GRID2: variants seen among roughly 807,000 people sequenced by gnomAD.
GRID2 encodes the protein glutamate receptor ionotropic, delta-2.
In GRID2, 33 loss-of-function variants were observed where a neutral mutation model predicts 114.8. The observed-to-expected ratio is 0.29, with a 90% CI of 0.22 to 0.38. The LOEUF is 0.38. GRID2 is among the 10% of genes least tolerant of loss of function. The pLI is 1.00. For synonymous variants in GRID2, 505 were observed against 449.9 expected, an observed-to-expected ratio of 1.12 and a Z score of -1.55; for missense variants, 1,184 against 1,257.7, an observed-to-expected ratio of 0.94 and a Z score of 0.89.
chr4:92,641,873 A>T (rs573273739), intron 2 of GRID2, among the ~76,000 whole-genome samples: 1 of 151,020 alleles, frequency 6.6e-6, no homozygotes, highest in African/African-American at 2.4e-5. Context: ...TATAAATGAG[A>T]ACATGCAGTA....
intron 14 of GRID2, among the ~76,000 whole-genome samples, chr4:93,656,730 T>C (rs1357511974): frequency 7.9e-6 from 1 of 126,752 alleles, no homozygotes. Flanking sequence ...CTCGGGAGGC[T>C]GAGGCAGGAG....
At chr4:92,701,185 G>T (rs1182231868) in intron 2 of GRID2, among the ~76,000 whole-genome samples, 2 of 152,066 alleles carry the variant, frequency 1.3e-5, no homozygotes, top group Non-Finnish European at 2.9e-5. Flanking sequence ...GTTGTTGTGA[G>T]AATTAAATGA....
intron 1 of GRID2, among the ~76,000 whole-genome samples, chr4:93,800,079 A>G (rs984286392): frequency 3.3e-5 from 5 of 152,228 alleles, no homozygotes; most frequent in Non-Finnish European, 5.9e-5. Context: ...GAGTTGGTCT[A>G]ATACCTAACC....
intron 2 of GRID2, among the ~76,000 whole-genome samples, chr4:92,850,925 C>T (rs186077266): frequency 5.3e-5 from 8 of 151,936 alleles, no homozygotes; most frequent in Admixed American, 2.6e-4. Context: ...ATTTTAGGCA[C>T]CAATAGGAAG....
chr4:92,701,859 C>T (rs1356410666), intron 2 of GRID2, among the ~76,000 whole-genome samples: 2 of 152,036 alleles, frequency 1.3e-5, no homozygotes, highest in East Asian at 1.9e-4. Context: ...AGGGCGACCT[C>T]GGGGCATAAT....
chr4:92,367,336 T>C (rs999037361), intron 1 of GRID2, among the ~76,000 whole-genome samples: 3 of 151,990 alleles, frequency 2.0e-5, no homozygotes, highest in African/African-American at 7.2e-5. Context: ...ATCAATAAAA[T>C]TGCAAAATTT....
intron 14 of GRID2, among the ~76,000 whole-genome samples, chr4:93,654,152 T>A (rs1722810792): frequency 6.6e-6 from 1 of 152,160 alleles, no homozygotes; most frequent in East Asian, 1.9e-4. Context: ...TCTCATCATA[T>A]TTCCCAACTA....
intron 14 of GRID2, among the ~76,000 whole-genome samples, chr4:93,756,497 T>C (rs772462552): frequency 4.6e-5 from 7 of 152,172 alleles, no homozygotes; most frequent in Non-Finnish European, 1.0e-4. Context: ...CTGAAGCCTC[T>C]TCTCTTGGCT....
At chr4:92,711,861 C>A (rs1735270736) in intron 2 of GRID2, among the ~76,000 whole-genome samples, 1 of 152,146 alleles carries the variant, frequency 6.6e-6, no homozygotes. Flanking sequence ...TATGATCCTG[C>A]CACTGCATTC....
intron 2 of GRID2, among the ~76,000 whole-genome samples, chr4:92,636,844 G>A (rs1278475480): frequency 6.6e-6 from 1 of 151,766 alleles, no homozygotes; most frequent in East Asian, 1.9e-4. Context: ...CACTTCTTTT[G>A]CAATCTGCTT....
chr4:92,827,311 G>T (rs555295243), intron 2 of GRID2, among the ~76,000 whole-genome samples: 1 of 151,062 alleles, frequency 6.6e-6, no homozygotes, highest in Admixed American at 6.6e-5. Context: ...TTAATTTTGG[G>T]TGCAATAAAC....
chr4:92,714,880 G>T (rs915593533), intron 2 of GRID2, among the ~76,000 whole-genome samples: 3 of 152,186 alleles, frequency 2.0e-5, no homozygotes, highest in African/African-American at 7.2e-5. Flanking sequence ...GGGAGGAGCT[G>T]CTGCAAAGGT....
intron 1 of GRID2, among the ~76,000 whole-genome samples, chr4:92,519,617 A>T (rs189590374): frequency 6.7e-6 from 1 of 150,298 alleles, no homozygotes; most frequent in Non-Finnish European, 1.5e-5. Flanking sequence ...ATATATATGT[A>T]TGTATATATA....
chr4:93,538,256 G>A (rs999077117), intron 13 of GRID2, among the ~76,000 whole-genome samples: 1 of 151,588 alleles, frequency 6.6e-6, no homozygotes, highest in African/African-American at 2.4e-5. Flanking sequence ...GGAGCAAGTA[G>A]GGAATGCTGA....
rs182878482 is a variant in GRID2 at position 93,694,319 on chromosome 4, A to G, written c.2360+67884A>G. Reference sequence around the variant, plus strand: ...TCACTGTGTCTTCCGCAAAGCCCCCAGAACCTACTACTTTGTTATTATCAA... The same window carrying G: ...TCACTGTGTCTTCCGCAAAGCCCCCGGAACCTACTACTTTGTTATTATCAA... On this transcript the variant is annotated intron_variant, in intron 14 of 15. Coordinates refer to ENST00000282020, the MANE Select transcript of GRID2 (RefSeq NM_001510.4). Among the ~76,000 whole-genome samples the G allele has an allele frequency of 3.8e-4, 58 of 152,256 alleles. 1 individual carries two copies. Among genetic ancestry groups the G allele is most frequent in the Admixed American group, 3.8e-3 (58 of 15,288 alleles).
At chr4:92,467,019 C>A (rs1025996114) in intron 1 of GRID2, among the ~76,000 whole-genome samples, 5 of 151,632 alleles carry the variant, frequency 3.3e-5, no homozygotes, top group African/African-American at 1.2e-4. Context: ...AATAAATACT[C>A]TCATTTCATT....
intron 2 of GRID2, among the ~76,000 whole-genome samples, chr4:92,889,361 GA>G (rs1746585398): frequency 6.6e-6 from 1 of 152,134 alleles, no homozygotes; most frequent in African/African-American, 2.4e-5. Context: ...TGTATATTTA[GA>G]AAACCCCATC....
intron 1 of GRID2, among the ~76,000 whole-genome samples, chr4:92,459,363 G>A (rs771641973): frequency 1.3e-5 from 2 of 152,010 alleles, no homozygotes; most frequent in Admixed American, 6.6e-5. Context: ...ATATACTAGC[G>A]TAACATAATT....
chr4:93,199,271 ATCTT>A (rs1254432038), intron 4 of GRID2, among the ~76,000 whole-genome samples: 1 of 152,200 alleles, frequency 6.6e-6, no homozygotes, highest in Non-Finnish European at 1.5e-5. Flanking sequence ...TGATTTTTAA[ATCTT>A]TATTCTCATG....
Sources: gnomAD v4.1 joint callset for allele counts (sites outside exome capture counted in the v4.1 genomes callset) on GRCh38, gnomAD v4.1.1 for gene constraint, MANE v1.5 for transcripts, NCBI Gene and HGNC (gene_info 2026-07-23, HGNC 2026-07-21) for gene names.